The following FAM171A1 variants were observed in gnomAD, a reference collection of about 807,000 sequenced individuals.
The protein encoded by FAM171A1 is family with sequence similarity 171 member A1, also known as protein FAM171A1.
A neutral mutation model predicts 74.9 loss-of-function variants in FAM171A1; 23 were observed. The observed-to-expected ratio is 0.31, with a 90% CI of 0.22 to 0.44. FAM171A1 has a LOEUF of 0.44. Ranked by LOEUF, FAM171A1 falls within the 20% of genes least tolerant of loss-of-function variation. The probability of loss-of-function intolerance (pLI) is 1.00; values close to 1 mark genes in which losing one functional copy is unlikely to be tolerated. For missense variants in FAM171A1, 1,162 were observed against 1,159.2 expected (o/e 1.00, Z -0.03); for synonymous variants, 527 against 505.7 (o/e 1.04, Z -0.57).
intron 5 of FAM171A1, among the ~76,000 whole-genome samples, chr10:15,232,524 G>A (rs1834220931): frequency 6.6e-6 from 1 of 152,126 alleles, no homozygotes; most frequent in African/African-American, 2.4e-5. Context: ...CTGACCGAAC[G>A]AACTGTTTGA....
Position 15,267,803 on chromosome 10 carries a change from G to A in FAM171A1, c.418+8052C>T, listed in dbSNP as rs191004884. Among the ~76,000 whole-genome samples the A allele has an allele frequency of 1.9e-3, 282 of 152,118 alleles. 1 individual carries two copies. Among genetic ancestry groups the A allele is most frequent in the South Asian group, 3.1e-3 (15 of 4,816 alleles). On this transcript the variant is annotated intron_variant, in intron 3 of 7. Transcript: ENST00000378116. ...GGCCATGAGGAGCAGAACACGGAGC[G>A]GTGAGGAGGCTGGACAGCCACGACG... is the stretch of plus-strand genomic sequence containing the variant.
At chr10:15,270,261 C>A (rs1438843110) in intron 3 of FAM171A1, among the ~76,000 whole-genome samples, 1 of 152,206 alleles carries the variant, frequency 6.6e-6, no homozygotes, top group African/African-American at 2.4e-5. Context: ...GTCCCACGCC[C>A]ATGGAGCCTC....
At chr10:15,272,964 A>C (rs1305990950) in intron 3 of FAM171A1, among the ~76,000 whole-genome samples, 1 of 152,202 alleles carries the variant, frequency 6.6e-6, no homozygotes, top group African/African-American at 2.4e-5. Context: ...TGACACCCTA[A>C]CATCACAATT....
intron 1 of FAM171A1, among the ~76,000 whole-genome samples, chr10:15,317,046 A>AG (rs914145963): frequency 6.6e-6 from 1 of 151,232 alleles, no homozygotes; most frequent in Non-Finnish European, 1.5e-5. Flanking sequence ...CTCCTCTGGG[A>AG]GAAAAAAAAA....
chr10:15,355,276 T>A (rs1160759359), intron 1 of FAM171A1, among the ~76,000 whole-genome samples: 1 of 152,216 alleles, frequency 6.6e-6, no homozygotes, highest in South Asian at 2.1e-4. Context: ...GGTCTCAATA[T>A]GTTGCCCAGG....
chr10:15,269,629 A>G (rs1834795690), intron 3 of FAM171A1, among the ~76,000 whole-genome samples: 1 of 152,144 alleles, frequency 6.6e-6, no homozygotes, highest in Non-Finnish European at 1.5e-5. Flanking sequence ...GAGAGGATAA[A>G]GCCACACTGG....
At chr10:15,227,160 C>A (rs926289589) in intron 5 of FAM171A1, among the ~76,000 whole-genome samples, 9 of 152,116 alleles carry the variant, frequency 5.9e-5, no homozygotes, top group African/African-American at 1.9e-4. Context: ...CCACCACAAC[C>A]AGCTAATTTT....
intron 5 of FAM171A1, among the ~76,000 whole-genome samples, chr10:15,225,676 G>T (rs972363274): frequency 2.0e-5 from 3 of 152,148 alleles, no homozygotes; most frequent in African/African-American, 2.4e-5. Flanking sequence ...AGTCTCTTCT[G>T]CTGAATATGG....
At chr10:15,270,491 G>C (rs1284741680) in intron 3 of FAM171A1, among the ~76,000 whole-genome samples, 1 of 152,224 alleles carries the variant, frequency 6.6e-6, no homozygotes, top group Non-Finnish European at 1.5e-5. Flanking sequence ...AACTTCTGCA[G>C]ACTTAAACGT....
intron 1 of FAM171A1, among the ~76,000 whole-genome samples, chr10:15,340,241 T>A (rs766494572): frequency 2.0e-5 from 3 of 152,154 alleles, no homozygotes; most frequent in Non-Finnish European, 4.4e-5. Context: ...CTCATGGCTA[T>A]CCACAGTTAA....
At chr10:15,287,949 T>C (rs1382277262) in intron 1 of FAM171A1, among the ~76,000 whole-genome samples, 1 of 152,184 alleles carries the variant, frequency 6.6e-6, no homozygotes, top group Non-Finnish European at 1.5e-5. Context: ...CCAAATCCAC[T>C]GTATCATTCT....
intron 1 of FAM171A1, among the ~76,000 whole-genome samples, chr10:15,299,262 C>T (rs1360771017): frequency 6.6e-6 from 1 of 152,046 alleles, no homozygotes; most frequent in African/African-American, 2.4e-5. Flanking sequence ...CACAAAGTCC[C>T]CTTATGAGAA....
intron 1 of FAM171A1, among the ~76,000 whole-genome samples, chr10:15,284,606 G>GTCTC: frequency 6.6e-6 from 1 of 152,138 alleles, no homozygotes; most frequent in East Asian, 1.9e-4. Context: ...TAGAGATGGG[G>GTCTC]TTTTGCCATG....
chr10:15,308,599 T>G (rs1466107357), intron 1 of FAM171A1, among the ~76,000 whole-genome samples: 1 of 151,802 alleles, frequency 6.6e-6, no homozygotes, highest in Non-Finnish European at 1.5e-5. Flanking sequence ...GAGTGCAGAT[T>G]GCGCCATTGC....
At chr10:15,267,784 G>A (rs933611161) in intron 3 of FAM171A1, among the ~76,000 whole-genome samples, 1 of 152,138 alleles carries the variant, frequency 6.6e-6, no homozygotes, top group African/African-American at 2.4e-5. Context: ...GGGTGGCCAT[G>A]AGGAGCAGAA....
chr10:15,239,234 G>A (rs2131744571), intron 5 of FAM171A1, among the ~76,000 whole-genome samples: 1 of 152,182 alleles, frequency 6.6e-6, no homozygotes, highest in Non-Finnish European at 1.5e-5. Flanking sequence ...GACATGGGAA[G>A]GAAAACTGCT....
chr10:15,233,357 C>G (rs1309624910), intron 5 of FAM171A1, among the ~76,000 whole-genome samples: 1 of 152,030 alleles, frequency 6.6e-6, no homozygotes, highest in Non-Finnish European at 1.5e-5. Context: ...AAGTTGTGAT[C>G]CCATTTTTCT....
chr10:15,244,321 C>G (rs182907025), intron 5 of FAM171A1, among the ~76,000 whole-genome samples: 1 of 152,166 alleles, frequency 6.6e-6, no homozygotes, highest in African/African-American at 2.4e-5. Flanking sequence ...TGCCACAGCA[C>G]GCCAGCTTGG....
intron 5 of FAM171A1, among the ~76,000 whole-genome samples, chr10:15,234,588 C>T (rs531284081): frequency 6.6e-6 from 1 of 151,750 alleles, no homozygotes; most frequent in African/African-American, 2.4e-5. Context: ...TCTTTGGTTA[C>T]GGGAGGGGAA....
Sources: gnomAD v4.1 joint callset for allele counts (sites outside exome capture counted in the v4.1 genomes callset) on GRCh38, gnomAD v4.1.1 for gene constraint, MANE v1.5 for transcripts, NCBI Gene and HGNC (gene_info 2026-07-23, HGNC 2026-07-21) for gene names.